CD48: variants seen among roughly 807,000 people sequenced by gnomAD.
CD48 encodes the protein CD48 antigen.
Under a neutral mutation model 22.0 loss-of-function variants are expected in CD48, and 20 were observed. The observed-to-expected ratio is 0.91, with a 90% CI of 0.64 to 1.32. The LOEUF (loss-of-function observed/expected upper bound fraction) is 1.32. CD48 is among the 40% of genes most tolerant of loss of function. The probability of loss-of-function intolerance (pLI) is 0.00; values close to 1 mark genes in which losing one functional copy is unlikely to be tolerated. For synonymous variants in CD48, 110 were observed against 110.1 expected (o/e 1.00, Z 0.01); for missense variants, 307 against 286.5 (o/e 1.07, Z -0.52).
At chr1:160,696,377 G>T (rs1385956748) in intron 1 of CD48, among the ~76,000 whole-genome samples, 1 of 152,278 alleles carries the variant, frequency 6.6e-6, no homozygotes, top group Non-Finnish European at 1.5e-5. Context: ...CAAACTGTAA[G>T]AAAAAGAAAC....
chr1:160,681,171 G>T (rs956639285), intron 3 of CD48, 31 bp downstream of exon 3: 23 of 1,613,976 alleles, frequency 1.4e-5, no homozygotes, highest in Non-Finnish European at 1.9e-5. Context: ...GTTACCCTGT[G>T]CCCCCCTCAG....
chr1:160,701,750 A>C (rs1408060266), intron 1 of CD48, among the ~76,000 whole-genome samples: 2 of 152,180 alleles, frequency 1.3e-5, no homozygotes, highest in Admixed American at 6.5e-5. Context: ...AAAGCAAGAT[A>C]AATGTGCTCT....
intron 1 of CD48, among the ~76,000 whole-genome samples, chr1:160,704,885 G>C (rs903566354): frequency 1.1e-4 from 17 of 152,116 alleles, no homozygotes; most frequent in Non-Finnish European, 1.9e-4. Flanking sequence ...AAGATGATAA[G>C]GACAAAGTAC....
chr1:160,679,204 A>T, intron 3 of CD48, 73 bp from the exon 4 acceptor site: 2 of 1,150,792 alleles, frequency 1.7e-6, no homozygotes, highest in Non-Finnish European at 2.6e-6. Context: ...GGGCAAGTGT[A>T]CTGGACACTG....
chr1:160,697,765 T>A (rs1272462542), intron 1 of CD48, among the ~76,000 whole-genome samples: 1 of 152,066 alleles, frequency 6.6e-6, no homozygotes, highest in African/African-American at 2.4e-5. Flanking sequence ...TACAAAACAA[T>A]GAATTCGAAA....
At chr1:160,695,310 T>C (rs1236837533) in intron 1 of CD48, among the ~76,000 whole-genome samples, 2 of 152,300 alleles carry the variant, frequency 1.3e-5, no homozygotes, top group African/African-American at 4.8e-5. Context: ...ATTATTTTGA[T>C]GATATTTTAT....
chr1:160,687,763 A>T (rs1162587652), intron 1 of CD48, among the ~76,000 whole-genome samples: 1 of 152,232 alleles, frequency 6.6e-6, no homozygotes, highest in Non-Finnish European at 1.5e-5. Context: ...TCCAAAATTT[A>T]CTACAGTGGA....
intron 2 of CD48, among the ~76,000 whole-genome samples, chr1:160,682,491 A>AAG (rs772161004): frequency 6.9e-6 from 1 of 145,488 alleles, no homozygotes; most frequent in Non-Finnish European, 1.5e-5. Flanking sequence ...GAAAGGAAGA[A>AAG]AGAGAGAGAG....
intron 1 of CD48, among the ~76,000 whole-genome samples, chr1:160,693,996 C>T (rs903825077): frequency 6.6e-6 from 1 of 152,190 alleles, no homozygotes; most frequent in African/African-American, 2.4e-5. Flanking sequence ...CCAGGGGAGC[C>T]CCCACAAAAA....
intron 3 of CD48, among the ~76,000 whole-genome samples, chr1:160,679,793 G>A (rs909610972): frequency 2.0e-5 from 3 of 152,084 alleles, no homozygotes; most frequent in Admixed American, 6.5e-5. Flanking sequence ...TCCTCTCTTC[G>A]GATGAACAGT....
At chr1:160,685,590 G>A (rs182692863) in intron 1 of CD48, among the ~76,000 whole-genome samples, 1 of 152,130 alleles carries the variant, frequency 6.6e-6, no homozygotes, top group African/African-American at 2.4e-5. Flanking sequence ...TTAGTCCCTA[G>A]AGGCATAGAC....
chr1:160,695,097 C>CT (rs1475519295), intron 1 of CD48, among the ~76,000 whole-genome samples: 27 of 152,234 alleles, frequency 1.8e-4, no homozygotes, highest in African/African-American at 6.3e-4. Context: ...TAAAGGACTG[C>CT]TTTTTTACCA....
Position 160,693,522 on chromosome 1 carries a change from G to A in CD48, c.83-8333C>T, listed in dbSNP as rs1323517836. On this transcript the variant is annotated intron_variant, in intron 1 of 3. Transcript: ENST00000368046. ...CAAGTTAGAACATTTGGAGGAAAAT[G>A]TTATAATTGTGGTCAAATTGGTCAT... Among the ~76,000 whole-genome samples the A allele has an allele frequency of 2.6e-5, 4 of 152,408 alleles. No individual in the cohort carries two copies. The East Asian group carries it at 7.7e-4, about 29-fold the overall frequency.
At chr1:160,701,700 T>TAGG (rs1662635093) in intron 1 of CD48, among the ~76,000 whole-genome samples, 1 of 152,168 alleles carries the variant, frequency 6.6e-6, no homozygotes, top group South Asian at 2.1e-4. Flanking sequence ...TGGCATGATA[T>TAGG]AGGGCTGAAT....
At chr1:160,702,863 A>G (rs1036728661) in intron 1 of CD48, among the ~76,000 whole-genome samples, 2 of 152,146 alleles carry the variant, frequency 1.3e-5, no homozygotes, top group Non-Finnish European at 2.9e-5. Context: ...CATGGTTTGC[A>G]TTTTCAAAAG....
At chr1:160,690,135 T>C (rs1186751257) in intron 1 of CD48, among the ~76,000 whole-genome samples, 8 of 152,178 alleles carry the variant, frequency 5.3e-5, no homozygotes, top group African/African-American at 1.4e-4. Context: ...TCTAGTAATA[T>C]GGGAAATTCC....
At chr1:160,703,613 A>C (rs150745270) in intron 1 of CD48, among the ~76,000 whole-genome samples, 1 of 152,220 alleles carries the variant, frequency 6.6e-6, no homozygotes, top group African/African-American at 2.4e-5. Context: ...AACGTAAGCA[A>C]TCAACACACT....
chr1:160,680,859 C>T (rs544066858), intron 3 of CD48: 1 of 1,334,932 alleles, frequency 7.5e-7, no homozygotes, highest in Non-Finnish European at 9.6e-7. Context: ...CTTGCCCTTC[C>T]TTCTCCCTGC....
At chr1:160,690,960 G>T (rs1315607833) in intron 1 of CD48, among the ~76,000 whole-genome samples, 1 of 152,144 alleles carries the variant, frequency 6.6e-6, no homozygotes, top group Non-Finnish European at 1.5e-5. Context: ...TCAAACTCAG[G>T]GTTAAATGGA....
Sources: gnomAD v4.1 joint callset for allele counts (sites outside exome capture counted in the v4.1 genomes callset) on GRCh38, gnomAD v4.1.1 for gene constraint, MANE v1.5 for transcripts, NCBI Gene and HGNC (gene_info 2026-07-23, HGNC 2026-07-21) for gene names.